The following GSN variants were observed in gnomAD, a reference collection of about 807,000 sequenced individuals.
The protein encoded by GSN is actin-depolymerizing factor.
In GSN, 56 loss-of-function variants were observed where a neutral mutation model predicts 85.7. The ratio of observed to expected loss-of-function variants is 0.65; its 90% CI spans 0.53 to 0.82. GSN has a LOEUF of 0.82. Among genes scored for constraint, GSN ranks in the 40% least tolerant of loss-of-function variants. GSN has a pLI of 0.00. For missense variants in GSN, 857 were observed against 979.8 expected (o/e 0.87, Z 1.67); for synonymous variants, 373 against 399.1 (o/e 0.93, Z 0.78).
At chr9:121,264,928 T>TC (rs1280048226), upstream of GSN, among the ~76,000 whole-genome samples, 2 of 152,228 alleles carry the variant, frequency 1.3e-5, no homozygotes, top group African/African-American at 2.4e-5. Context: ...AGCCATTTTC[T>TC]GGAAAGCAGA....
chr9:121,266,861 G>A (rs1255159226), upstream of GSN, among the ~76,000 whole-genome samples: 2 of 152,186 alleles, frequency 1.3e-5, no homozygotes, highest in African/African-American at 2.4e-5. Flanking sequence ...GAGAATGGCA[G>A]GAGGAAGAGC....
In GSN at chr9:121,330,236, G is replaced by A. The variant is rs187459612; in HGVS notation, c.1965+921G>A. Among the ~76,000 whole-genome samples, 254 of 152,316 alleles carry A rather than the reference G, an allele frequency of 1.7e-3. 5 individuals carry two copies. Among genetic ancestry groups the A allele is most frequent in the Non-Finnish European group, 5.1e-4 (35 of 68,028 alleles). On this transcript the variant is annotated intron_variant, in intron 16 of 17. Transcript: ENST00000432226. ...CTATGATGAGCAAAATAGAATGCCT[G>A]CCTTCGAGGGGCTTCCACTTTAGTT... is the stretch of plus-strand genomic sequence containing the variant.
At chr9:121,301,632 AAAAAAAAAAAAAG>A (rs915779346) in intron 2 of GSN, among the ~76,000 whole-genome samples, 1 of 144,324 alleles carries the variant, frequency 6.9e-6, no homozygotes, top group African/African-American at 2.9e-5. Flanking sequence ...TCTCAAAAAA[AAAAAAAAAAAAAG>A]AAAAAAAGAA....
chr9:121,313,942 C>A lies in GSN; in HGVS notation c.672C>A (p.Gly224=). The part of the protein sequence containing the change: ...TEPEAMLQVL[G]PKPALPAGTE... ...CTCTCTATCTCCTACAGGTGCTGGGCCCCAAGCCGGCTCTGCCTGCAGGTA... is the reference window on the plus strand; with the variant it reads ...CTCTCTATCTCCTACAGGTGCTGGGACCCAAGCCGGCTCTGCCTGCAGGTA... The change falls in exon 7 of 18, where the codon GGC becomes GGA. Residue 224 remains glycine (G), a synonymous_variant. Transcript: ENST00000432226. The A allele has an allele frequency of 6.2e-7, 1 of 1,613,638 alleles. No individual in the cohort carries two copies. Among genetic ancestry groups the A allele is most frequent in the Non-Finnish European group, 8.5e-7 (1 of 1,179,540 alleles).
At chr9:121,324,452 TTA>T (rs2062896065) in intron 11 of GSN, 100 bp from the exon 12 acceptor site, 1 of 706,764 alleles carries the variant, frequency 1.4e-6, no homozygotes, top group Admixed American at 2.0e-5. Context: ...ATCTGTTTCA[TTA>T]CTGGTAACAG....
chr9:121,247,308 C>T (rs1473220215), intron 5 of GSN, among the ~76,000 whole-genome samples: 1 of 152,148 alleles, frequency 6.6e-6, no homozygotes, highest in African/African-American at 2.4e-5. Context: ...CCATCTACTC[C>T]CACGCAAGGG....
chr9:121,256,953 A>T (rs1447939142), intron 6 of GSN, among the ~76,000 whole-genome samples: 1 of 152,212 alleles, frequency 6.6e-6, no homozygotes, highest in South Asian at 2.1e-4. Flanking sequence ...AATTATAATT[A>T]ACAATAATTT....
At chr9:121,217,847 C>T (rs951267531) in intron 4 of GSN, among the ~76,000 whole-genome samples, 2 of 148,368 alleles carry the variant, frequency 1.3e-5, no homozygotes, top group African/African-American at 4.9e-5. Context: ...TAACCTCAAA[C>T]AAAACAAGCC....
intron 4 of GSN, among the ~76,000 whole-genome samples, chr9:121,226,083 C>T (rs1386140393): frequency 2.6e-5 from 4 of 152,194 alleles, no homozygotes; most frequent in Admixed American, 6.5e-5. Context: ...GGATTACAGG[C>T]GTGAGCCACT....
At chr9:121,296,808 C>T (rs1471168777) in intron 2 of GSN, among the ~76,000 whole-genome samples, 1 of 152,220 alleles carries the variant, frequency 6.6e-6, no homozygotes, top group Non-Finnish European at 1.5e-5. Flanking sequence ...GTAGCAAGGG[C>T]TCCAGGGTCT....
At chr9:121,273,001 C>A (rs990678609) in intron 1 of GSN, among the ~76,000 whole-genome samples, 8 of 152,190 alleles carry the variant, frequency 5.3e-5, no homozygotes, top group Admixed American at 6.5e-5. Flanking sequence ...TCCTCCCTTG[C>A]TTGCTCTGCC....
rs374052802 is a variant in GSN, at chr9:121,302,088, C to T, written c.117C>T (p.Phe39=). The change falls in exon 3 of 18, where the codon TTC becomes TTT. Residue 39 remains phenylalanine (F), a synonymous_variant. Coordinates refer to ENST00000432226, the MANE Select transcript of GSN (RefSeq NM_198252.3). ...PVPTNLYGDF[F]TGDAYVILKT... ...CCACCAACCTTTATGGAGACTTCTT[C>T]ACGGGCGACGCCTACGTCATCCTGA... 2.7e-5 allele frequency: 44 copies of T among 1,614,120 alleles called. No homozygotes were observed. Among genetic ancestry groups the T allele is most frequent in the Non-Finnish European group, 3.6e-5 (43 of 1,180,020 alleles).
At chr9:121,331,741 G>A (rs958902804) in intron 17 of GSN, 22 of 330,954 alleles carry the variant, frequency 6.6e-5, no homozygotes, top group Non-Finnish European at 1.1e-4. Context: ...CTCAGAAGCT[G>A]AACTTGTCAA....
At chr9:121,215,785 A>G (rs982363407) in intron 4 of GSN, among the ~76,000 whole-genome samples, 1 of 152,026 alleles carries the variant, frequency 6.6e-6, no homozygotes, top group Admixed American at 6.6e-5. Flanking sequence ...TAACATGGTT[A>G]TGTTAATTTA....
upstream of GSN, chr9:121,268,139 A>G (rs1349711892): frequency 2.7e-5 from 4 of 148,806 alleles, no homozygotes; most frequent in Admixed American, 6.7e-5. Context: ...CGCGCGCACC[A>G]CAACGCCCCC....
intron 2 of GSN, among the ~76,000 whole-genome samples, chr9:121,291,603 A>G (rs1223443811): frequency 1.3e-5 from 2 of 151,870 alleles, no homozygotes; most frequent in African/African-American, 2.4e-5. Context: ...TATTTTTAGT[A>G]GAGATGGGGT....
At chr9:121,326,210 T>G (rs1174128311) in intron 12 of GSN, among the ~76,000 whole-genome samples, 1 of 151,406 alleles carries the variant, frequency 6.6e-6, no homozygotes, top group East Asian at 1.9e-4. Flanking sequence ...TGCTTCTATT[T>G]AAGGGAACAT....
At chr9:121,323,116 C>T (rs532033186) in intron 11 of GSN, among the ~76,000 whole-genome samples, 16 of 152,268 alleles carry the variant, frequency 1.1e-4, no homozygotes, top group African/African-American at 3.6e-4. Context: ...TAGGCATGAG[C>T]CACCACGCCA....
chr9:121,318,902 G>T lies in GSN; in HGVS notation c.1191+22G>T. The stretch of plus-strand genomic sequence containing the variant: ...ACAGGTACGTTTAGGGCGTGGGGTG[G>T]GTGTGTCCAGGCCCCTCCCTCACTT... On this transcript the variant is annotated intron_variant, in intron 10 of 17. Transcript: ENST00000432226. This position sits in a 1 kb window ranked among gnomAD's most constrained non-coding sequence, Gnocchi z 4.3. 1 of 1,562,984 alleles carries T rather than the reference G, an allele frequency of 6.4e-7. No homozygotes were observed. Among genetic ancestry groups the T allele is most frequent in the Non-Finnish European group, 8.8e-7 (1 of 1,133,974 alleles).
Sources: allele counts gnomAD v4.1 joint callset (sites outside exome capture counted in the v4.1 genomes callset), GRCh38; gene constraint gnomAD v4.1.1; non-coding constraint Gnocchi (gnomAD v3.1); transcripts MANE v1.5; gene names NCBI Gene and HGNC (gene_info 2026-07-23, HGNC 2026-07-21).